Variants in ESRRG observed in about 807,000 individuals in gnomAD.
ESRRG encodes estrogen related receptor gamma, also known as estrogen-related receptor gamma.
In ESRRG, 13 loss-of-function variants were observed where a neutral mutation model predicts 44.0. The observed-to-expected ratio is 0.30, with a 90% CI of 0.19 to 0.47. The LOEUF (loss-of-function observed/expected upper bound fraction) is 0.47, where lower values mean the gene tolerates loss of function less well. Ranked by LOEUF, ESRRG falls within the 20% of genes least tolerant of loss-of-function variation. ESRRG has a pLI of 1.00. For missense variants in ESRRG, 395 were observed against 580.6 expected (o/e 0.68, Z 3.29); for synonymous variants, 215 against 214.6 (o/e 1.00, Z -0.02).
intron 2 of ESRRG, among the ~76,000 whole-genome samples, chr1:216,651,371 C>A (rs541796251): frequency 6.6e-6 from 1 of 152,278 alleles, no homozygotes; most frequent in Non-Finnish European, 1.5e-5. Context: ...AAGTAAGAGT[C>A]TTCCAGAGTC....
At chr1:216,641,734 A>C (rs1251629589) in intron 3 of ESRRG, among the ~76,000 whole-genome samples, 1 of 152,244 alleles carries the variant, frequency 6.6e-6, no homozygotes, top group Non-Finnish European at 1.5e-5. Context: ...CAGCTTCAGT[A>C]CTACTGATGT....
At chr1:216,726,039 C>T (rs553942275), upstream of ESRRG, among the ~76,000 whole-genome samples, 186 of 152,222 alleles carry the variant, frequency 1.2e-3, 1 homozygote, top group African/African-American at 4.2e-3. Context: ...CATTTGACTT[C>T]ACTGGTGTAT....
intron 2 of ESRRG, among the ~76,000 whole-genome samples, chr1:216,841,738 A>C (rs191076022): frequency 6.6e-6 from 1 of 152,204 alleles, no homozygotes; most frequent in African/African-American, 2.4e-5. Flanking sequence ...AAGACAAAAA[A>C]GGCAAGTGTC....
intron 5 of ESRRG, among the ~76,000 whole-genome samples, chr1:216,550,859 C>T (rs2056098320): frequency 6.6e-6 from 1 of 152,156 alleles, no homozygotes; most frequent in Non-Finnish European, 1.5e-5. Context: ...CAAATGGTTT[C>T]AGAACAACCA....
chr1:216,779,523 A>T (rs1308202291), intron 2 of ESRRG, among the ~76,000 whole-genome samples: 29 of 92,004 alleles, frequency 3.2e-4, no homozygotes, highest in African/African-American at 1.3e-3. Context: ...TATAAATATA[A>T]ATATAAATAT....
At chr1:216,784,170 A>G (rs1311308251) in intron 2 of ESRRG, among the ~76,000 whole-genome samples, 1 of 151,266 alleles carries the variant, frequency 6.6e-6, no homozygotes, top group Non-Finnish European at 1.5e-5. Flanking sequence ...CTTTTTTTTT[A>G]TGTCTTATTT....
intron 1 of ESRRG, among the ~76,000 whole-genome samples, chr1:216,696,242 A>T (rs1439599454): frequency 6.6e-6 from 1 of 152,212 alleles, no homozygotes; most frequent in African/African-American, 2.4e-5. Flanking sequence ...AACCAGAAAC[A>T]AACTTAAATT....
chr1:216,738,938 A>G lies in ESRRG; in HGVS notation c.-13-61447T>C, dbSNP rs936995077. Among the ~76,000 whole-genome samples, 4 of 152,158 alleles carry G rather than the reference A, an allele frequency of 2.6e-5. No homozygotes were observed. In the South Asian group the frequency reaches 8.3e-4, roughly 32 times the overall value. On this transcript the variant is annotated intron_variant, in intron 2 of 7. Coordinates refer to the ESRRG transcript ENST00000359162. ...GCAATCATAGCTTTCTGCAGCTTCAAACTTCTGGCCTGAAGTGATCTACCA... is the reference window on the plus strand; with the variant it reads ...GCAATCATAGCTTTCTGCAGCTTCAGACTTCTGGCCTGAAGTGATCTACCA...
At chr1:216,861,647 C>T (rs2096056721) in intron 2 of ESRRG, among the ~76,000 whole-genome samples, 1 of 152,098 alleles carries the variant, frequency 6.6e-6, no homozygotes, top group African/African-American at 2.4e-5. Context: ...AAATTTTTTT[C>T]TTTTAGGTAC....
chr1:216,544,503 C>T (rs1254386133), intron 5 of ESRRG, among the ~76,000 whole-genome samples: 2 of 151,998 alleles, frequency 1.3e-5, no homozygotes, highest in African/African-American at 4.8e-5. Flanking sequence ...CATTACACAG[C>T]TTTCAGTGCT....
intron 1 of ESRRG, among the ~76,000 whole-genome samples, chr1:216,711,355 G>A (rs565614325): frequency 3.0e-4 from 45 of 152,128 alleles, no homozygotes; most frequent in Non-Finnish European, 5.3e-4. Flanking sequence ...ACACCACAGC[G>A]GTGCACAGAT....
At chr1:217,123,393 A>C (rs917712778) in intron 1 of ESRRG, among the ~76,000 whole-genome samples, 1 of 152,134 alleles carries the variant, frequency 6.6e-6, no homozygotes, top group African/African-American at 2.4e-5. Context: ...TTTGTATACA[A>C]AATTTTAAGC....
chr1:216,997,567 A>G (rs1431462769), intron 1 of ESRRG, among the ~76,000 whole-genome samples: 2 of 152,196 alleles, frequency 1.3e-5, no homozygotes, highest in Non-Finnish European at 2.9e-5. Flanking sequence ...GAGTTGTTAC[A>G]TTATAGATTC....
rs143325476 is a variant in ESRRG, at chr1:217,081,221, CTTTTTTTTTT to C, written c.-106+8276_-106+8285del. Among the ~76,000 whole-genome samples the C allele has an allele frequency of 5.0e-4, 35 of 70,426 alleles. 1 individual carries two copies. Among genetic ancestry groups the C allele is most frequent in the African/African-American group, 1.9e-3 (32 of 16,618 alleles). 46.2% of individuals were successfully genotyped at this position (70,426 alleles called of 152,430 possible). On this transcript the variant is annotated intron_variant, in intron 1 of 7. Coordinates refer to the ESRRG transcript ENST00000359162. ...TCAGTGAATTATAGATAAAAATATT[CTTTTTTTTTT>C]TTTTTTTTTTTTTGAGACAGAGTTT...
intron 1 of ESRRG, among the ~76,000 whole-genome samples, chr1:216,695,922 C>T (rs1436014151): frequency 1.3e-5 from 2 of 152,172 alleles, no homozygotes; most frequent in Non-Finnish European, 2.9e-5. Flanking sequence ...GGGAAAGTTA[C>T]TGTTAGGCAA....
intron 2 of ESRRG, among the ~76,000 whole-genome samples, chr1:216,911,846 G>A (rs1195974523): frequency 2.0e-5 from 3 of 152,020 alleles, no homozygotes; most frequent in Non-Finnish European, 4.4e-5. Context: ...GAGGCAGGTG[G>A]ATCACGTGCG....
rs1230482502 is a variant in ESRRG at position 217,114,739 on chromosome 1, C to A, written c.-230+22928G>T. On this transcript the variant is annotated intron_variant, in intron 1 of 8. Transcript: ENST00000366940. The stretch of plus-strand genomic sequence containing the variant: ...GGCTGGAGTGCTGGCTCACTGCAAT[C>A]TCTGCCCCCTGGGTTCAAGCAATTC... 2.1e-5 allele frequency among the ~76,000 whole-genome samples: 3 copies of A among 145,688 alleles called. No individual in the cohort carries two copies. In the East Asian group the frequency reaches 6.3e-4, roughly 30 times the overall value.
intron 2 of ESRRG, among the ~76,000 whole-genome samples, chr1:216,917,379 T>C (rs2061331725): frequency 6.6e-6 from 1 of 152,104 alleles, no homozygotes; most frequent in Admixed American, 6.6e-5. Context: ...ATGTAGCCAA[T>C]TACCACTGAC....
intron 3 of ESRRG, among the ~76,000 whole-genome samples, chr1:216,585,964 C>T (rs367861973): frequency 3.3e-5 from 5 of 151,920 alleles, no homozygotes; most frequent in Admixed American, 1.3e-4. Flanking sequence ...GGCGTGAACC[C>T]GGGAGGCGGA....
Sources: gnomAD v4.1 joint callset for allele counts (sites outside exome capture counted in the v4.1 genomes callset) on GRCh38, gnomAD v4.1.1 for gene constraint, MANE v1.5 for transcripts, NCBI Gene and HGNC (gene_info 2026-07-23, HGNC 2026-07-21) for gene names.